ZNF385D: variants seen among roughly 807,000 people sequenced by gnomAD.
The protein encoded by ZNF385D is zinc finger protein 659.
In ZNF385D, 15 loss-of-function variants were observed where a neutral mutation model predicts 35.8. That is an observed-to-expected ratio of 0.42 (90% CI 0.28 to 0.64). The LOEUF (loss-of-function observed/expected upper bound fraction) is 0.64. ZNF385D is among the 30% of genes least tolerant of loss of function. The probability of loss-of-function intolerance (pLI) is 0.23; values close to 1 mark genes in which losing one functional copy is unlikely to be tolerated. For synonymous variants in ZNF385D, 212 were observed against 186.8 expected (o/e 1.13, Z -1.10); for missense variants, 474 against 494.6 (o/e 0.96, Z 0.39).
intron 3 of ZNF385D, among the ~76,000 whole-genome samples, chr3:22,037,225 C>T (rs1210285394): frequency 6.9e-6 from 1 of 145,488 alleles, no homozygotes; most frequent in Non-Finnish European, 1.5e-5. Flanking sequence ...GGGTATATAC[C>T]CAGGAATGGG....
chr3:22,334,603 T>C (rs2125466344), intron 2 of ZNF385D, among the ~76,000 whole-genome samples: 1 of 152,312 alleles, frequency 6.6e-6, no homozygotes, highest in East Asian at 1.9e-4. Flanking sequence ...CTGACCATAA[T>C]AGTTGAATTA....
chr3:22,310,712 T>A (rs947101446), intron 2 of ZNF385D, among the ~76,000 whole-genome samples: 1 of 151,928 alleles, frequency 6.6e-6, no homozygotes, highest in African/African-American at 2.4e-5. Context: ...TTTAACGCCC[T>A]CAAAATCTGG....
intron 3 of ZNF385D, chr3:21,978,228 A>G (rs1405447836): frequency 6.6e-6 from 1 of 152,164 alleles, no homozygotes; most frequent in African/African-American, 2.4e-5. Context: ...CAGCTTCTTG[A>G]GAGCAGTGTC....
chr3:22,016,187 G>A (rs1401275151), intron 3 of ZNF385D, among the ~76,000 whole-genome samples: 4 of 151,756 alleles, frequency 2.6e-5, no homozygotes, highest in Admixed American at 6.6e-5. Context: ...TTTCTTCTAG[G>A]GGACATTTCA....
At chr3:21,557,376 G>C (rs1364803855) in intron 3 of ZNF385D, among the ~76,000 whole-genome samples, 5 of 152,072 alleles carry the variant, frequency 3.3e-5, no homozygotes, top group Admixed American at 2.0e-4. Context: ...AGCATGAAGG[G>C]GTTTTGAATT....
chr3:21,879,602 C>T lies in ZNF385D; in HGVS notation c.326-214574G>A, dbSNP rs143077722. ...AAGTCCTCACACATCCTAAATACAA[C>T]GCTTTTCTCACCGCTGTTGTAATAT... On this transcript the variant is annotated intron_variant, in intron 3 of 5. Transcript: ENST00000494108. Among the ~76,000 whole-genome samples, 73 of 152,118 alleles carry T rather than the reference C, an allele frequency of 4.8e-4. No homozygotes were observed. The East Asian group carries it at 0.012, about 25-fold the overall frequency.
chr3:21,924,767 G>C (rs887390707), intron 3 of ZNF385D, among the ~76,000 whole-genome samples: 4 of 152,084 alleles, frequency 2.6e-5, no homozygotes, highest in Non-Finnish European at 5.9e-5. Flanking sequence ...GTATTCTGTA[G>C]AGAGGCATAG....
intron 3 of ZNF385D, among the ~76,000 whole-genome samples, chr3:22,062,728 T>C (rs1699755002): frequency 6.6e-6 from 1 of 152,182 alleles, no homozygotes; most frequent in African/African-American, 2.4e-5. Flanking sequence ...GTATGGTTTG[T>C]GGGAGTTGGT....
intron 3 of ZNF385D, among the ~76,000 whole-genome samples, chr3:22,016,267 T>C (rs963597815): frequency 6.6e-6 from 1 of 152,014 alleles, no homozygotes; most frequent in African/African-American, 2.4e-5. Context: ...AGAGGGTAGG[T>C]ATGCGTCCAA....
At chr3:21,949,634 G>A (rs902811470) in intron 3 of ZNF385D, among the ~76,000 whole-genome samples, 1 of 148,454 alleles carries the variant, frequency 6.7e-6, no homozygotes, top group African/African-American at 2.5e-5. Context: ...GTATACAAGT[G>A]CCACTGTGGT....
At chr3:22,230,868 GT>G (rs968602854) in intron 2 of ZNF385D, among the ~76,000 whole-genome samples, 1 of 152,112 alleles carries the variant, frequency 6.6e-6, no homozygotes, top group African/African-American at 2.4e-5. Context: ...AAAGTGTGTG[GT>G]TAAGCCAGTC....
At chr3:22,162,098 A>G (rs1011843617) in intron 3 of ZNF385D, among the ~76,000 whole-genome samples, 3 of 152,196 alleles carry the variant, frequency 2.0e-5, no homozygotes, top group Non-Finnish European at 4.4e-5. Context: ...TTTCTTTTGC[A>G]TTTTTGATGG....
chr3:22,337,251 G>A (rs1349457567), intron 2 of ZNF385D, among the ~76,000 whole-genome samples: 4 of 151,958 alleles, frequency 2.6e-5, no homozygotes. Context: ...AAGATGCTTG[G>A]CCGGATGTGG....
At chr3:21,724,645 T>C (rs920457317) in intron 1 of ZNF385D, among the ~76,000 whole-genome samples, 1 of 151,906 alleles carries the variant, frequency 6.6e-6, no homozygotes, top group Non-Finnish European at 1.5e-5. Context: ...ATACTAAATA[T>C]ATACGCACCC....
chr3:21,826,213 C>T (rs1694612352), intron 3 of ZNF385D, among the ~76,000 whole-genome samples: 1 of 152,144 alleles, frequency 6.6e-6, no homozygotes. Context: ...CCACTATAGA[C>T]TAAACTGTTG....
chr3:22,110,318 G>A (rs986544136), intron 3 of ZNF385D, among the ~76,000 whole-genome samples: 3 of 151,808 alleles, frequency 2.0e-5, no homozygotes, highest in African/African-American at 4.8e-5. Context: ...AAATCATGCT[G>A]CTGTAAAGAC....
At chr3:22,118,235 T>G (rs1702907539) in intron 3 of ZNF385D, among the ~76,000 whole-genome samples, 1 of 152,086 alleles carries the variant, frequency 6.6e-6, no homozygotes. Flanking sequence ...TGCCATTATT[T>G]CCCTGAGTTT....
intron 3 of ZNF385D, among the ~76,000 whole-genome samples, chr3:21,543,295 A>G (rs971364908): frequency 1.3e-5 from 2 of 152,198 alleles, no homozygotes; most frequent in African/African-American, 4.8e-5. Flanking sequence ...AGCCTGCGCG[A>G]CAAGAGCGGG....
chr3:21,958,584 T>C (rs941003295), intron 3 of ZNF385D, among the ~76,000 whole-genome samples: 7 of 152,198 alleles, frequency 4.6e-5, no homozygotes, highest in South Asian at 2.1e-4. Flanking sequence ...GATAAAACCA[T>C]TGTTCCAAGT....
Sources: allele counts gnomAD v4.1 joint callset (sites outside exome capture counted in the v4.1 genomes callset), GRCh38; gene constraint gnomAD v4.1.1; transcripts MANE v1.5; gene names NCBI Gene and HGNC (gene_info 2026-07-23, HGNC 2026-07-21).